Variants in ZFYVE9 observed in about 807,000 individuals in gnomAD.
ZFYVE9 encodes zinc finger FYVE-type containing 9, also known as zinc finger FYVE domain-containing protein 9.
Under a neutral mutation model 126.7 loss-of-function variants are expected in ZFYVE9, and 43 were observed. The observed-to-expected ratio is 0.34, with a 90% CI of 0.27 to 0.44. The LOEUF is 0.44. Among genes scored for constraint, ZFYVE9 ranks in the 20% least tolerant of loss-of-function variants. ZFYVE9 has a pLI of 1.00. For synonymous variants in ZFYVE9, 521 were observed against 597.4 expected, an observed-to-expected ratio of 0.87 and a Z score of 1.87; for missense variants, 1,476 against 1,697.0, an observed-to-expected ratio of 0.87 and a Z score of 2.29.
At chr1:52,281,485 A>C (rs1645805198) in intron 9 of ZFYVE9, among the ~76,000 whole-genome samples, 176 bp from the exon 10 acceptor site, 1 of 152,026 alleles carries the variant, frequency 6.6e-6, no homozygotes, top group African/African-American at 2.4e-5. Context: ...GGCATGTTTT[A>C]TTTTCTACAA....
intron 4 of ZFYVE9, among the ~76,000 whole-genome samples, chr1:52,253,244 A>T (rs533737423): frequency 6.6e-6 from 1 of 152,334 alleles, no homozygotes; most frequent in East Asian, 1.9e-4. Flanking sequence ...GAAGTTGGTT[A>T]TACAGTATCA....
intron 13 of ZFYVE9, among the ~76,000 whole-genome samples, chr1:52,316,179 A>AAG (rs1181318450): frequency 1.4e-4 from 21 of 148,784 alleles, no homozygotes; most frequent in African/African-American, 4.4e-4. Flanking sequence ...AAAAAAAAAA[A>AAG]AAAAAAAAAA....
At chr1:52,338,008 T>G in intron 16 of ZFYVE9, 74 bp downstream of exon 16, 1 of 1,499,764 alleles carries the variant, frequency 6.7e-7, no homozygotes, top group African/African-American at 1.4e-5. Flanking sequence ...GCTGTCTACA[T>G]TGGTGTTTTA....
chr1:52,171,548 A>G (rs1398485422), intron 1 of ZFYVE9, among the ~76,000 whole-genome samples: 2 of 152,116 alleles, frequency 1.3e-5, no homozygotes, highest in Non-Finnish European at 2.9e-5. Context: ...TGGTTTTTCT[A>G]GTTCTAGATC....
At chr1:52,244,847 C>A (rs545393054) in intron 4 of ZFYVE9, among the ~76,000 whole-genome samples, 1 of 152,216 alleles carries the variant, frequency 6.6e-6, no homozygotes, top group South Asian at 2.1e-4. Context: ...TGTATTTGTT[C>A]TTTTTTAAAA....
In ZFYVE9 at chr1:52,237,909, C is replaced by G; in HGVS notation, c.492C>G (p.Asn164Lys). 6.2e-7 allele frequency: 1 copy of G among 1,613,920 alleles called. No homozygotes were observed. Among genetic ancestry groups the G allele is most frequent in the Non-Finnish European group, 8.5e-7 (1 of 1,179,920 alleles). The part of the protein sequence containing the change: ...MHNCDKRTLQ[N>K]DLQDCNNYNS... Reference sequence around the variant, plus strand: ...ACTGTGATAAAAGGACATTACAAAACGATTTACAGGATTGTAATAATTATA... The same window carrying G: ...ACTGTGATAAAAGGACATTACAAAAGGATTTACAGGATTGTAATAATTATA... Residue 164 changes from asparagine to lysine, a missense_variant, in exon 4 of 19, where the codon AAC (asparagine) becomes AAG (lysine). By Grantham distance (94) the Asn-to-Lys change is moderately conservative. This residue lies in a region of ZFYVE9 where 807 missense variants were observed against 794.6 expected (regional missense o/e 1.02). Coordinates refer to ENST00000287727, the MANE Select transcript of ZFYVE9 (RefSeq NM_004799.4).
intron 3 of ZFYVE9, among the ~76,000 whole-genome samples, chr1:52,236,055 C>T (rs1645270613): frequency 6.6e-6 from 1 of 152,104 alleles, no homozygotes; most frequent in South Asian, 2.1e-4. Flanking sequence ...TTTCCAAGAA[C>T]CTATCAACAA....
chr1:52,337,923 C>T lies in ZFYVE9; in HGVS notation c.3822C>T (p.Asn1274=), dbSNP rs750429777. ...TCCAGTGGGTGGATGATGACAAGAA[C>T]GTTAGCAAGGGGTAAATGCAGCACA... ...IHIQWVDDDK[N]VSKGVVSPID... The change falls in exon 16 of 19, where the codon AAC becomes AAT. Residue 1274 remains asparagine (N), a synonymous_variant. Transcript: ENST00000287727. 17 of 1,613,998 alleles carry T rather than the reference C, an allele frequency of 1.1e-5. No homozygotes were observed. Among genetic ancestry groups the T allele is most frequent in the Middle Eastern group, 1.6e-4 (1 of 6,084 alleles).
intron 1 of ZFYVE9, among the ~76,000 whole-genome samples, chr1:52,211,850 C>G (rs534217964): frequency 2.0e-5 from 3 of 152,210 alleles, no homozygotes; most frequent in African/African-American, 7.2e-5. Context: ...GAAATTTTCA[C>G]CCTCACAAAT....
chr1:52,281,580 A>G (rs1645805791), intron 9 of ZFYVE9, 81 bp from the exon 10 acceptor site: 6 of 1,488,034 alleles, frequency 4.0e-6, no homozygotes, highest in Middle Eastern at 2.3e-4. Flanking sequence ...CTGTATTGTA[A>G]CACAGATTTC....
chr1:52,313,397 G>T (rs74944906), intron 13 of ZFYVE9, among the ~76,000 whole-genome samples: 7,184 of 152,244 alleles, frequency 0.047, 186 homozygotes, highest in South Asian at 0.075. Context: ...TGACTTAGAG[G>T]TCTCCCTGAC....
At chr1:52,317,405 C>A (rs1036371260) in intron 13 of ZFYVE9, among the ~76,000 whole-genome samples, 24 of 151,410 alleles carry the variant, frequency 1.6e-4, no homozygotes, top group African/African-American at 5.1e-4. Context: ...GTCTGTAATC[C>A]CAGGAGGTGG....
chr1:52,269,121 A>G (rs1050440481), intron 7 of ZFYVE9, among the ~76,000 whole-genome samples: 3 of 152,064 alleles, frequency 2.0e-5, no homozygotes, highest in Non-Finnish European at 2.9e-5. Flanking sequence ...CACATTTTAC[A>G]TTAGGATTGG....
At position 52,268,225 on chromosome 1, in the gene ZFYVE9, A is replaced by G. The variant is rs191387921; in HGVS notation, c.2456-238A>G. 1.4e-4 allele frequency among the ~76,000 whole-genome samples: 22 copies of G among 152,366 alleles called. 1 individual carries two copies. In the Middle Eastern group the frequency reaches 0.017, roughly 118 times the overall value. On this transcript the variant is annotated intron_variant, in intron 6 of 18. Coordinates refer to ENST00000287727, the MANE Select transcript of ZFYVE9 (RefSeq NM_004799.4). ...TGTATTTAAGAACTCTTAATATTTC[A>G]AAGCAAAGTATTTTACTCTTTGCAT...
intron 1 of ZFYVE9, among the ~76,000 whole-genome samples, chr1:52,175,778 T>C (rs981482292): frequency 1.3e-5 from 2 of 152,256 alleles, no homozygotes; most frequent in Admixed American, 6.5e-5. Context: ...CTGAAACCGT[T>C]TCTTCCAGTT....
intron 2 of ZFYVE9, among the ~76,000 whole-genome samples, chr1:52,228,538 C>T (rs933757055): frequency 1.3e-5 from 2 of 152,114 alleles, no homozygotes; most frequent in Non-Finnish European, 2.9e-5. Context: ...CATTTTGTCC[C>T]TTTTGCACAC....
At chr1:52,263,919 G>C (rs773519550) in intron 5 of ZFYVE9, 47 bp downstream of exon 5, 4 of 1,320,824 alleles carry the variant, frequency 3.0e-6, no homozygotes, top group Non-Finnish European at 4.2e-6. Context: ...GACAAAACAA[G>C]GGAATTACGA....
intron 8 of ZFYVE9, among the ~76,000 whole-genome samples, chr1:52,276,252 T>C (rs1424624028): frequency 6.6e-6 from 1 of 152,162 alleles, no homozygotes; most frequent in Non-Finnish European, 1.5e-5. Context: ...TTCTAGCCAT[T>C]TATTATCAAC....
intron 13 of ZFYVE9, among the ~76,000 whole-genome samples, chr1:52,328,971 G>C (rs1646315742): frequency 6.6e-6 from 1 of 152,152 alleles, no homozygotes. Context: ...CCTTAGAGTT[G>C]TATGGATACA....
Sources: allele counts gnomAD v4.1 joint callset (sites outside exome capture counted in the v4.1 genomes callset), GRCh38; gene constraint gnomAD v4.1.1; regional missense constraint gnomAD v4.1.1; transcripts MANE v1.5; gene names NCBI Gene and HGNC (gene_info 2026-07-23, HGNC 2026-07-21).